Variants in PKP4 observed in about 807,000 individuals in gnomAD.
PKP4 encodes plakophilin-4.
PKP4 carries 90 observed loss-of-function variants against 145.1 expected under a neutral mutation model. That is an observed-to-expected ratio of 0.62 (90% confidence interval 0.52 to 0.74). The LOEUF is 0.74. PKP4 is among the 30% of genes least tolerant of loss of function. The probability of loss-of-function intolerance (pLI) is 0.00; values close to 1 mark genes in which losing one functional copy is unlikely to be tolerated. For missense variants in PKP4, 1,340 were observed against 1,482.7 expected, an observed-to-expected ratio of 0.90 and a Z score of 1.58; for synonymous variants, 563 against 577.2, an observed-to-expected ratio of 0.98 and a Z score of 0.35.
chr2:158,571,900 G>C (rs1409601314), intron 2 of PKP4, among the ~76,000 whole-genome samples: 1 of 152,138 alleles, frequency 6.6e-6, no homozygotes, highest in African/African-American at 2.4e-5. Context: ...ACCTAATTCT[G>C]AAAGCTACCT....
intron 6 of PKP4, among the ~76,000 whole-genome samples, chr2:158,624,227 A>G (rs1280667813): frequency 1.3e-5 from 2 of 152,242 alleles, no homozygotes; most frequent in Admixed American, 1.3e-4. Context: ...AAAGGAATCA[A>G]CAAATTTGCC....
intron 2 of PKP4, among the ~76,000 whole-genome samples, chr2:158,563,766 A>G (rs1444577169): frequency 6.6e-6 from 1 of 151,908 alleles, no homozygotes; most frequent in Non-Finnish European, 1.5e-5. Context: ...ACTAGTGTAC[A>G]TTCCTGCTAC....
chr2:158,647,207 A>G (rs2054912667), intron 11 of PKP4, among the ~76,000 whole-genome samples: 2 of 152,198 alleles, frequency 1.3e-5, no homozygotes, highest in East Asian at 1.9e-4. Context: ...CACAAATACC[A>G]TGGCTAGCCT....
chr2:158,587,518 G>C (rs909545882), intron 3 of PKP4, among the ~76,000 whole-genome samples: 1 of 151,984 alleles, frequency 6.6e-6, no homozygotes, highest in African/African-American at 2.4e-5. Flanking sequence ...TGCTTGAACA[G>C]ATTTGCCTTC....
rs113601196 is a variant in PKP4, at chr2:158,473,048, C to A, written c.-6+15830C>A. ...AGGACATCCATGTGGTCAACAAGCA[C>A]GTAAAAAAAAGCTCAGTATCACTGA... On this transcript the variant is annotated intron_variant, in intron 1 of 21. Coordinates refer to ENST00000389759, the MANE Select transcript of PKP4 (RefSeq NM_003628.6). 3.7e-3 allele frequency among the ~76,000 whole-genome samples: 570 copies of A among 152,080 alleles called. 6 individuals are homozygous for A. The highest frequency in any genetic ancestry group is 0.013 in the African/African-American group (537 of 41,476).
chr2:158,460,765 T>G (rs891292888), intron 1 of PKP4, among the ~76,000 whole-genome samples: 14 of 152,192 alleles, frequency 9.2e-5, no homozygotes, highest in African/African-American at 2.9e-4. Context: ...TATGTCAGTT[T>G]GGGAAGTTTG....
intron 2 of PKP4, among the ~76,000 whole-genome samples, chr2:158,548,068 C>T (rs1481473589): frequency 6.6e-6 from 1 of 152,048 alleles, no homozygotes; most frequent in Non-Finnish European, 1.5e-5. Context: ...AGAATAAAGC[C>T]TTTTGAATGG....
At chr2:158,525,781 A>G (rs2042866666) in intron 1 of PKP4, among the ~76,000 whole-genome samples, 1 of 146,140 alleles carries the variant, frequency 6.8e-6, no homozygotes, top group Admixed American at 6.9e-5. Context: ...AATAGACACA[A>G]TAAAAAATGA....
At chr2:158,657,206 T>C (rs191710306) in intron 11 of PKP4, among the ~76,000 whole-genome samples, 2 of 152,308 alleles carry the variant, frequency 1.3e-5, no homozygotes, top group Admixed American at 1.3e-4. Context: ...CTCAGGAAGA[T>C]GCACTGATGT....
At chr2:158,492,413 C>T (rs1695073120) in intron 1 of PKP4, among the ~76,000 whole-genome samples, 1 of 152,154 alleles carries the variant, frequency 6.6e-6, no homozygotes, top group South Asian at 2.1e-4. Flanking sequence ...CTGGTTGCTT[C>T]TCCTTAAGTA....
intron 3 of PKP4, 55 bp downstream of exon 3, chr2:158,577,438 G>T: frequency 8.9e-7 from 1 of 1,129,502 alleles, no homozygotes; most frequent in Non-Finnish European, 1.3e-6. Context: ...GCCTTACTAG[G>T]TTGTTCTCTA....
At chr2:158,497,314 T>C (rs1406881083) in intron 1 of PKP4, among the ~76,000 whole-genome samples, 2 of 143,894 alleles carry the variant, frequency 1.4e-5, no homozygotes, top group African/African-American at 4.9e-5. Flanking sequence ...TTTGCATTTG[T>C]ATTTGCATTT....
intron 1 of PKP4, among the ~76,000 whole-genome samples, chr2:158,525,929 A>T (rs1238295053): frequency 1.3e-5 from 2 of 151,266 alleles, no homozygotes; most frequent in African/African-American, 4.9e-5. Context: ...CCAAGACTAA[A>T]CCAGGAAGAA....
At chr2:158,508,871 CT>C (rs1319237903) in intron 1 of PKP4, among the ~76,000 whole-genome samples, 1 of 152,140 alleles carries the variant, frequency 6.6e-6, no homozygotes, top group African/African-American at 2.4e-5. Context: ...GGAAAGTCAT[CT>C]AACATGTGTT....
rs577803250 is a variant in PKP4 at position 158,515,961 on chromosome 2, G to A, written c.-5-17219G>A. On this transcript the variant is annotated intron_variant, in intron 1 of 21. Transcript: ENST00000389759. ...TTAGAGAGGCTGAGGTGGCAGGATC[G>A]TGTGACCTAGGAGTTCAAGGCTGTA... 8.5e-5 allele frequency among the ~76,000 whole-genome samples: 13 copies of A among 152,056 alleles called. No individual in the cohort carries two copies. The South Asian group carries it at 2.3e-3, about 27-fold the overall frequency.
intron 2 of PKP4, among the ~76,000 whole-genome samples, chr2:158,552,803 C>T (rs1053310347): frequency 2.0e-5 from 3 of 152,104 alleles, no homozygotes; most frequent in African/African-American, 4.8e-5. Flanking sequence ...AATGTACATG[C>T]GTTATGTCTA....
intron 1 of PKP4, among the ~76,000 whole-genome samples, chr2:158,517,397 CTT>C (rs2042019501): frequency 6.6e-6 from 1 of 152,162 alleles, no homozygotes; most frequent in Admixed American, 6.5e-5. Context: ...TGTTGAAACT[CTT>C]TTGAGCCCCT....
chr2:158,642,256 TCAAGTGATCCGCC>T (rs911981600), intron 10 of PKP4, among the ~76,000 whole-genome samples: 1 of 152,200 alleles, frequency 6.6e-6, no homozygotes, highest in African/African-American at 2.4e-5. Flanking sequence ...ACTCCTGACC[TCAAGTGATCCGCC>T]CATCTTGGCC....
At chr2:158,530,403 C>T (rs1051900952) in intron 1 of PKP4, among the ~76,000 whole-genome samples, 1 of 151,810 alleles carries the variant, frequency 6.6e-6, no homozygotes, top group African/African-American at 2.4e-5. Context: ...TTTCCCAGGT[C>T]TCCTGAATGT....
Sources: gnomAD v4.1 joint callset for allele counts (sites outside exome capture counted in the v4.1 genomes callset) on GRCh38, gnomAD v4.1.1 for gene constraint, MANE v1.5 for transcripts, NCBI Gene and HGNC (gene_info 2026-07-23, HGNC 2026-07-21) for gene names.